CELF1: variants seen among roughly 807,000 people sequenced by gnomAD.
CELF1 encodes 50 kDa nuclear polyadenylated RNA-binding protein.
CELF1 carries 10 observed loss-of-function variants against 61.8 expected under a neutral mutation model. The ratio of observed to expected loss-of-function variants is 0.16; its 90% CI spans 0.10 to 0.27. The LOEUF (loss-of-function observed/expected upper bound fraction) is 0.27, where lower values mean the gene tolerates loss of function less well. Among genes scored for constraint, CELF1 ranks in the 10% least tolerant of loss-of-function variants. The pLI, the probability that CELF1 is intolerant of heterozygous loss-of-function variation, is 1.00. For synonymous variants in CELF1, 236 were observed against 225.1 expected (o/e 1.05, Z -0.43); for missense variants, 380 against 639.1 (o/e 0.59, Z 4.37).
At position 47,482,773 on chromosome 11, in the gene CELF1, C is replaced by T. The variant is rs140036870; in HGVS notation, c.690G>A (p.Gln230=). Reference sequence around the variant, plus strand: ...ATGCTGCGCTGATTTGCTGCATCTGCTGCTGGAGCTGCTGGGCCATTCTCT... The same window carrying T: ...ATGCTGCGCTGATTTGCTGCATCTGTTGCTGGAGCTGCTGGGCCATTCTCT... ...EQKRMAQQLQ[Q]QMQQISAASV... Residue 230 remains glutamine (Q), a synonymous_variant, in exon 9 of 15, where the codon CAG becomes CAA. Transcript: ENST00000687097. 5.8e-5 allele frequency: 94 copies of T among 1,614,092 alleles called. No homozygotes were observed. In the African/African-American group the frequency reaches 1.2e-3, roughly 21 times the overall value.
chr11:47,548,117 G>A (rs936115648), intron 1 of CELF1, among the ~76,000 whole-genome samples: 13 of 152,062 alleles, frequency 8.5e-5, no homozygotes, highest in Non-Finnish European at 1.3e-4. Context: ...TGGCCAAGAT[G>A]GTGAAACCCC....
At chr11:47,537,390 GGC>G (rs1441962040) in intron 1 of CELF1, among the ~76,000 whole-genome samples, 2 of 151,818 alleles carry the variant, frequency 1.3e-5, no homozygotes, top group Non-Finnish European at 2.9e-5. Flanking sequence ...TGAGACTATA[GGC>G]ACACACCACC....
chr11:47,492,153 A>AT lies in CELF1; in HGVS notation c.72-3130dup, dbSNP rs566480541. Reference sequence around the variant, plus strand: ...CCACCACATCTGGCTAGTTTTTAACATTTTTTTGTAGAGAGAGGGTCTCAC... The same window carrying AT: ...CCACCACATCTGGCTAGTTTTTAACATTTTTTTTGTAGAGAGAGGGTCTCAC... On this transcript the variant is annotated intron_variant, in intron 3 of 14. Coordinates refer to ENST00000687097, the MANE Select transcript of CELF1 (RefSeq NM_001376376.1). Among the ~76,000 whole-genome samples, 288 of 152,034 alleles carry AT rather than the reference A, an allele frequency of 1.9e-3. 1 individual carries two copies. The highest frequency in any genetic ancestry group is 0.014 in the Middle Eastern group (4 of 294).
chr11:47,554,663 G>GT (rs35866451), upstream of CELF1, among the ~76,000 whole-genome samples: 50,178 of 142,208 alleles, frequency 0.35, 9,833 homozygotes, highest in South Asian at 0.52. Flanking sequence ...ATCTAACACA[G>GT]TTTTTTTTTT....
chr11:47,560,775 G>C (rs994406728), intron 2 of CELF1, among the ~76,000 whole-genome samples: 1 of 152,144 alleles, frequency 6.6e-6, no homozygotes, highest in African/African-American at 2.4e-5. Flanking sequence ...ACATTGGAGG[G>C]GGGTGGGCAT....
intron 7 of CELF1, 89 bp from the exon 8 acceptor site, chr11:47,483,621 T>A: frequency 1.1e-6 from 1 of 930,738 alleles, no homozygotes; most frequent in Non-Finnish European, 1.8e-6. Context: ...ACTATCATGC[T>A]AGCAATACAG....
chr11:47,533,071 C>CT (rs544522994), intron 1 of CELF1, among the ~76,000 whole-genome samples: 89 of 147,252 alleles, frequency 6.0e-4, no homozygotes, highest in Non-Finnish European at 9.3e-4. Flanking sequence ...ATCCAGAAGG[C>CT]TTTTTTTTTT....
chr11:47,542,167 C>T (rs1598410903), intron 1 of CELF1, among the ~76,000 whole-genome samples: 1 of 151,932 alleles, frequency 6.6e-6, no homozygotes, highest in Admixed American at 6.6e-5. Context: ...GTCAGGAGTT[C>T]GAGACCAGCC....
At chr11:47,517,346 T>C (rs556834278) in intron 1 of CELF1, among the ~76,000 whole-genome samples, 20 of 151,810 alleles carry the variant, frequency 1.3e-4, no homozygotes, top group African/African-American at 4.6e-4. Flanking sequence ...TTGTATCTGA[T>C]GTATACAAAG....
At chr11:47,550,581 G>T (rs1287814359) in intron 1 of CELF1, among the ~76,000 whole-genome samples, 1 of 152,040 alleles carries the variant, frequency 6.6e-6, no homozygotes. Context: ...GGGAAGATAG[G>T]CATTTCTATA....
rs1342070225 is a variant in CELF1, at chr11:47,507,115, G to GT, written c.-153-6184_-153-6183insA. Among the ~76,000 whole-genome samples the GT allele has an allele frequency of 9.2e-5, 14 of 152,246 alleles. 1 individual carries two copies. The East Asian group carries it at 2.7e-3, about 29-fold the overall frequency. On this transcript the variant is annotated intron_variant, in intron 1 of 14. Coordinates refer to ENST00000687097, the MANE Select transcript of CELF1 (RefSeq NM_001376376.1). ...TTAAAACACCATCAACTTAAACGAT[G>GT]GGGGAAGTAAAATACTAAAAGGTTT...
At chr11:47,552,043 T>C (rs1444389488) in intron 1 of CELF1, among the ~76,000 whole-genome samples, 1 of 151,942 alleles carries the variant, frequency 6.6e-6, no homozygotes, top group East Asian at 1.9e-4. Flanking sequence ...ATGAAGTTCT[T>C]GTAAAAGATT....
chr11:47,508,499 T>C (rs1212691608), intron 1 of CELF1, among the ~76,000 whole-genome samples: 5 of 142,510 alleles, frequency 3.5e-5, no homozygotes, highest in South Asian at 2.2e-4. Flanking sequence ...CTGGAGAACA[T>C]AGCAGCCCTC....
intron 1 of CELF1, among the ~76,000 whole-genome samples, chr11:47,512,700 A>T (rs2095292380): frequency 6.6e-6 from 1 of 152,142 alleles, no homozygotes; most frequent in Admixed American, 6.6e-5. Flanking sequence ...GGAAAAGTAT[A>T]TTCTCTTTAA....
upstream of CELF1, among the ~76,000 whole-genome samples, chr11:47,554,459 G>A (rs2097197549): frequency 6.6e-6 from 1 of 152,038 alleles, no homozygotes; most frequent in Admixed American, 6.6e-5. Context: ...CTCCTTTTGT[G>A]CTCCATAGAA....
At chr11:47,490,067 T>G (rs1227510173) in intron 3 of CELF1, among the ~76,000 whole-genome samples, 1 of 150,476 alleles carries the variant, frequency 6.6e-6, no homozygotes, top group African/African-American at 2.5e-5. Context: ...GCCTCCCAAG[T>G]GGCTGGGATT....
At chr11:47,495,412 G>A (rs1202546262) in intron 3 of CELF1, among the ~76,000 whole-genome samples, 2 of 152,162 alleles carry the variant, frequency 1.3e-5, no homozygotes, top group African/African-American at 4.8e-5. Context: ...AGAAGAAGAG[G>A]GGAATGGTTG....
intron 1 of CELF1, among the ~76,000 whole-genome samples, chr11:47,508,675 AACACACACACAC>A (rs10690121): frequency 1.3e-5 from 2 of 148,950 alleles, no homozygotes; most frequent in African/African-American, 4.9e-5. Context: ...GGAAACCTCA[AACACACACACAC>A]ACACACACAC....
chr11:47,471,973 C>CAA lies in CELF1; in HGVS notation c.*255_*256dup. On this transcript the variant is annotated 3_prime_UTR_variant, in exon 15 of 15. Coordinates refer to ENST00000687097, the MANE Select transcript of CELF1 (RefSeq NM_001376376.1). ...AATAAAGGAGAAACAAAAACAAAAA[C>CAA]AAAAAAAACCTCAGGATATGGCACC... 1 of 386,162 alleles carries CAA rather than the reference C, an allele frequency of 2.6e-6. No individual in the cohort carries two copies. Among genetic ancestry groups the CAA allele is most frequent in the Non-Finnish European group, 4.7e-6 (1 of 211,718 alleles). The allele number at this position is 386,162 out of a possible 1,614,324, so 23.9% of individuals were successfully genotyped here.
Sources: allele counts gnomAD v4.1 joint callset (sites outside exome capture counted in the v4.1 genomes callset), GRCh38; gene constraint gnomAD v4.1.1; transcripts MANE v1.5; gene names NCBI Gene and HGNC (gene_info 2026-07-23, HGNC 2026-07-21).